XKR6: variants seen among roughly 807,000 people sequenced by gnomAD.
XKR6 encodes XK related 6, also known as XK-related protein 6.
XKR6 carries 22 observed loss-of-function variants against 56.7 expected under a neutral mutation model. The observed-to-expected ratio is 0.39, with a 90% CI of 0.28 to 0.55. XKR6 has a LOEUF of 0.55. Among genes scored for constraint, XKR6 ranks in the 20% least tolerant of loss-of-function variants. The probability of loss-of-function intolerance (pLI) is 0.66; values close to 1 mark genes in which losing one functional copy is unlikely to be tolerated. For missense variants in XKR6, 852 were observed against 889.0 expected (o/e 0.96, Z 0.53); for synonymous variants, 524 against 387.8 (o/e 1.35, Z -4.13).
chr8:10,976,145 C>T (rs1476983148), intron 1 of XKR6, among the ~76,000 whole-genome samples: 2 of 152,088 alleles, frequency 1.3e-5, no homozygotes, highest in African/African-American at 2.4e-5. Context: ...CACTGCACTC[C>T]AGCCTGGGTG....
At chr8:10,929,469 T>C (rs1419299116) in intron 1 of XKR6, among the ~76,000 whole-genome samples, 1 of 152,214 alleles carries the variant, frequency 6.6e-6, no homozygotes, top group Non-Finnish European at 1.5e-5. Flanking sequence ...GCCAGTGCTG[T>C]TGACTGCTCC....
rs560132179 is a variant in XKR6 at position 10,924,580 on chromosome 8, G to C, written c.961+54C>G. Reference sequence around the variant, plus strand: ...ACGAAGTGTGTGGGAGGCGGCCGTGGTCCCCAGGTGGAGGGCAGGCCGGGG... The same window carrying C: ...ACGAAGTGTGTGGGAGGCGGCCGTGCTCCCCAGGTGGAGGGCAGGCCGGGG... On this transcript the variant is annotated intron_variant, in intron 2 of 2. Coordinates refer to ENST00000416569, the MANE Select transcript of XKR6 (RefSeq NM_173683.4). 4,925 of 1,558,946 alleles carry C rather than the reference G, an allele frequency of 3.2e-3. 40 individuals are homozygous for C. Among genetic ancestry groups the C allele is most frequent in the Non-Finnish European group, 3.2e-3 (3,621 of 1,149,512 alleles).
intron 1 of XKR6, among the ~76,000 whole-genome samples, chr8:11,045,036 A>ATTTGCCC (rs1254231391): frequency 5.5e-5 from 3 of 54,358 alleles, no homozygotes. Context: ...ACATTCCCTT[A>ATTTGCCC]TTTGCCCTTT....
At chr8:11,144,065 AC>A (rs1251337729) in intron 1 of XKR6, among the ~76,000 whole-genome samples, 1 of 151,842 alleles carries the variant, frequency 6.6e-6, no homozygotes, top group Admixed American at 6.6e-5. Context: ...CCCGTCAATG[AC>A]CTCGTTTAAC....
intron 1 of XKR6, among the ~76,000 whole-genome samples, chr8:11,188,784 T>A (rs1465710146): frequency 1.3e-5 from 2 of 152,210 alleles, no homozygotes; most frequent in African/African-American, 4.8e-5. Context: ...CTCCCTGCCC[T>A]GTGCAAGTCC....
At chr8:11,018,951 A>G (rs1220424515) in intron 1 of XKR6, among the ~76,000 whole-genome samples, 4 of 151,956 alleles carry the variant, frequency 2.6e-5, no homozygotes, top group Admixed American at 2.6e-4. Flanking sequence ...TCATCTGGAG[A>G]TGACCCTCTG....
chr8:11,168,240 A>G (rs1270460992), intron 1 of XKR6, among the ~76,000 whole-genome samples: 1 of 152,222 alleles, frequency 6.6e-6, no homozygotes. Context: ...CATTGTACTT[A>G]CTACACAAAG....
At chr8:11,124,394 A>G (rs1237854969) in intron 1 of XKR6, 1 of 166,344 alleles carries the variant, frequency 6.0e-6, no homozygotes, top group Non-Finnish European at 1.3e-5. Context: ...CCAATGAAAC[A>G]TGGGATGTAA....
At chr8:11,197,095 T>C (rs1202320705) in intron 1 of XKR6, among the ~76,000 whole-genome samples, 1 of 152,204 alleles carries the variant, frequency 6.6e-6, no homozygotes, top group Non-Finnish European at 1.5e-5. Flanking sequence ...TTTTCCTTTT[T>C]ACTCTCCTGA....
chr8:11,094,041 C>T (rs1467360575), intron 1 of XKR6, among the ~76,000 whole-genome samples: 1 of 149,550 alleles, frequency 6.7e-6, no homozygotes, highest in Non-Finnish European at 1.5e-5. Context: ...GCCTCGGCCT[C>T]CCAAAGTGCT....
chr8:11,182,077 T>G (rs1035859369), intron 1 of XKR6, among the ~76,000 whole-genome samples: 2 of 152,180 alleles, frequency 1.3e-5, no homozygotes, highest in Non-Finnish European at 2.9e-5. Context: ...CCACGCCCAG[T>G]TTGTTCCTCA....
chr8:11,117,997 G>A (rs747265495), intron 1 of XKR6, among the ~76,000 whole-genome samples: 1 of 152,104 alleles, frequency 6.6e-6, no homozygotes, highest in Non-Finnish European at 1.5e-5. Context: ...CAGACCGTTA[G>A]GAGAGGTATA....
intron 1 of XKR6, chr8:11,194,751 GA>G (rs1803778644): frequency 1.1e-5 from 2 of 188,236 alleles, no homozygotes; most frequent in African/African-American, 4.7e-5. Context: ...TTGACCTTAT[GA>G]ATAAGTCTAT....
intron 1 of XKR6, among the ~76,000 whole-genome samples, chr8:11,142,850 G>A (rs2116941837): frequency 6.6e-6 from 1 of 152,300 alleles, no homozygotes. Flanking sequence ...ATGAGGATGA[G>A]AATGACAATG....
chr8:11,200,209 G>A lies in XKR6; in HGVS notation c.764+367C>T, dbSNP rs1484137148. ...GCGGCTGGAGGAGGGAAGGCTCCCC[G>A]GGGCCGCGAGCTGGGGTGCAGCCCA... On this transcript the variant is annotated intron_variant, in intron 1 of 2. Transcript: ENST00000416569. This position sits in a 1 kb window ranked among gnomAD's most constrained non-coding sequence, Gnocchi z 6.4. Among the ~76,000 whole-genome samples the A allele has an allele frequency of 6.6e-6, 1 of 152,228 alleles. No individual in the cohort carries two copies. Among genetic ancestry groups the A allele is most frequent in the Non-Finnish European group, 1.5e-5 (1 of 68,038 alleles).
chr8:11,060,448 C>A (rs1158331457), intron 1 of XKR6, among the ~76,000 whole-genome samples: 3 of 152,208 alleles, frequency 2.0e-5, no homozygotes, highest in African/African-American at 7.2e-5. Flanking sequence ...TGGCGCCACC[C>A]GCCGGGAACT....
chr8:11,056,465 G>A (rs1473999588), intron 1 of XKR6, among the ~76,000 whole-genome samples: 2 of 152,162 alleles, frequency 1.3e-5, no homozygotes, highest in Non-Finnish European at 2.9e-5. Flanking sequence ...CAAAAGGGTG[G>A]GCAGACATTT....
chr8:10,982,155 C>A (rs2129137666), intron 1 of XKR6, among the ~76,000 whole-genome samples: 1 of 152,310 alleles, frequency 6.6e-6, no homozygotes, highest in African/African-American at 2.4e-5. Flanking sequence ...ACTTTCTTAT[C>A]AGCTCTGTTT....
intron 1 of XKR6, among the ~76,000 whole-genome samples, chr8:10,984,732 C>CTCTCTCTCTCTCTCTCTATA: frequency 1.7e-4 from 8 of 47,490 alleles, no homozygotes; most frequent in South Asian, 8.7e-4. Flanking sequence ...CTCTCTCTCT[C>CTCTCTCTCTCTCTCTCTATA]TATATATATA....
Sources: gnomAD v4.1 joint callset for allele counts (sites outside exome capture counted in the v4.1 genomes callset) on GRCh38, gnomAD v4.1.1 for gene constraint, Gnocchi (gnomAD v3.1) non-coding constraint, MANE v1.5 for transcripts, NCBI Gene and HGNC (gene_info 2026-07-23, HGNC 2026-07-21) for gene names.